Variants in ABCB11 observed in about 807,000 individuals in gnomAD.
The protein encoded by ABCB11 is ATP binding cassette subfamily B member 11, also known as bile salt export pump.
In ABCB11, 95 loss-of-function variants were observed where a neutral mutation model predicts 148.0. That is an observed-to-expected ratio of 0.64 (90% CI 0.54 to 0.76). The LOEUF is 0.76. Ranked by LOEUF, ABCB11 falls within the 30% of genes least tolerant of loss-of-function variation. ABCB11 has a pLI of 0.00. For missense variants in ABCB11, 1,523 were observed against 1,617.8 expected (o/e 0.94, Z 1.01); for synonymous variants, 591 against 555.4 (o/e 1.06, Z -0.90).
At chr2:168,946,441 G>T (rs946104719) in intron 19 of ABCB11, among the ~76,000 whole-genome samples, 2 of 151,714 alleles carry the variant, frequency 1.3e-5, no homozygotes, top group Non-Finnish European at 2.9e-5. Flanking sequence ...AAATTAATGA[G>T]ATTTTACTGT....
chr2:169,023,955 T>C (rs1026854353), intron 1 of ABCB11, among the ~76,000 whole-genome samples: 2 of 152,198 alleles, frequency 1.3e-5, no homozygotes, highest in African/African-American at 4.8e-5. Flanking sequence ...CATTAAGTTT[T>C]TCTCTTTTTT....
chr2:168,992,386 T>C (rs1450023387), intron 8 of ABCB11, among the ~76,000 whole-genome samples: 1 of 151,570 alleles, frequency 6.6e-6, no homozygotes, highest in Non-Finnish European at 1.5e-5. Flanking sequence ...TTATCACAGG[T>C]TTGAAGAAAG....
chr2:168,964,573 G>A (rs1289232662), intron 17 of ABCB11, among the ~76,000 whole-genome samples: 16 of 151,244 alleles, frequency 1.1e-4, no homozygotes, highest in Admixed American at 1.1e-3. Context: ...AAGAGAAAGG[G>A]AGCAAAGCTG....
At chr2:168,964,155 T>TC in intron 18 of ABCB11, 51 bp downstream of exon 18, 1 of 1,373,294 alleles carries the variant, frequency 7.3e-7, no homozygotes, top group Non-Finnish European at 1.0e-6. Context: ...TACCCAACAG[T>TC]CCCCAGGAGA....
At chr2:168,924,560 A>T in intron 27 of ABCB11, 97 bp downstream of exon 27, 1 of 1,262,466 alleles carries the variant, frequency 7.9e-7, no homozygotes, top group Non-Finnish European at 1.1e-6. Context: ...CTGTTAACGA[A>T]TCAGAAAATT....
At chr2:168,936,053 C>T (rs1691806200) in intron 22 of ABCB11, among the ~76,000 whole-genome samples, 177 bp downstream of exon 22, 1 of 152,212 alleles carries the variant, frequency 6.6e-6, no homozygotes, top group African/African-American at 2.4e-5. Context: ...AGTCTCGGAG[C>T]TTTATTGCCT....
rs761402595 is a variant in ABCB11 at position 168,935,240 on chromosome 2, G to A, written c.3000C>T (p.Tyr1000=). The change falls in exon 23 of 28, where the codon TAC becomes TAT. Residue 1000 remains tyrosine, a synonymous_variant. Transcript: ENST00000650372. The stretch of plus-strand genomic sequence containing the variant: ...TGGAGATTAAGTAACCTCCATATCT[G>A]TAGGAAGCAGAATTCGCAATAAACA... ...CIMFIANSAS[Y]RYGGYLISNE... 1.9e-6 allele frequency: 3 copies of A among 1,614,008 alleles called. No individual in the cohort carries two copies. Among genetic ancestry groups the A allele is most frequent in the Non-Finnish European group, 2.5e-6 (3 of 1,179,892 alleles).
intron 1 of ABCB11, among the ~76,000 whole-genome samples, chr2:169,028,485 G>C (rs1192165804): frequency 6.6e-6 from 1 of 152,078 alleles, no homozygotes; most frequent in Non-Finnish European, 1.5e-5. Context: ...GTCCAGGCAG[G>C]GAAGGACACA....
Position 168,930,861 on chromosome 2 carries a change from T to A in ABCB11, c.3215A>T (p.Asp1072Val). 5 of 1,592,218 alleles carry A rather than the reference T, an allele frequency of 3.1e-6. No homozygotes were observed. The highest frequency in any genetic ancestry group is 4.3e-6 in the Non-Finnish European group (5 of 1,169,670). ...AAAATCAATCTTCCCCTGGAAGTTG[T>A]CCTGTGGATGGGAGGATCAAAATTA... ...SVYNTAGEKW[D>V]NFQGKIDFVD... Residue 1072 changes from aspartate to valine, a missense_variant and splice_region_variant, in exon 25 of 28, where the codon GAC becomes GTC. Transcript: ENST00000650372.
chr2:168,996,103 A>G (rs986430323), intron 6 of ABCB11, among the ~76,000 whole-genome samples: 3 of 151,340 alleles, frequency 2.0e-5, no homozygotes. Flanking sequence ...GGAATTCATT[A>G]TTTTTCTACA....
At chr2:168,950,944 A>C (rs1452718334) in intron 19 of ABCB11, among the ~76,000 whole-genome samples, 1 of 151,452 alleles carries the variant, frequency 6.6e-6, no homozygotes, top group Non-Finnish European at 1.5e-5. Context: ...ATCTTGTGTT[A>C]ATTTTGTAAG....
At chr2:169,023,904 G>T (rs924944311) in intron 1 of ABCB11, among the ~76,000 whole-genome samples, 2 of 152,190 alleles carry the variant, frequency 1.3e-5, no homozygotes, top group Non-Finnish European at 2.9e-5. Context: ...ATGGCATAGG[G>T]TTTAAGATAC....
In ABCB11 at chr2:168,972,414, A is replaced by AT. The variant is rs373364027; in HGVS notation, c.1435-365dup. On this transcript the variant is annotated intron_variant, in intron 13 of 27. Transcript: ENST00000650372. Reference sequence around the variant, plus strand: ...GACAAAAATGGACTCAAAAGATATAATAAAAATAAACAATGATCCCTATCT... The same window carrying AT: ...GACAAAAATGGACTCAAAAGATATAATTAAAAATAAACAATGATCCCTATCT... 5.6e-4 allele frequency among the ~76,000 whole-genome samples: 84 copies of AT among 150,646 alleles called. No individual in the cohort carries two copies. The East Asian group carries it at 0.016, about 29-fold the overall frequency.
chr2:168,945,100 C>A (rs1365126833), intron 19 of ABCB11, 139 bp from the exon 20 acceptor site: 1 of 604,550 alleles, frequency 1.7e-6, no homozygotes, highest in Non-Finnish European at 2.9e-6. Flanking sequence ...CAAGAGTGAA[C>A]CCTAATGTAA....
chr2:168,968,562 CTAT>C, intron 16 of ABCB11, 72 bp from the exon 17 acceptor site: 1 of 1,240,492 alleles, frequency 8.1e-7, no homozygotes, highest in Non-Finnish European at 1.1e-6. Context: ...GAATTCTTTA[CTAT>C]GTTTGCTTAG....
intron 21 of ABCB11, among the ~76,000 whole-genome samples, chr2:168,939,612 C>G (rs1458219604): frequency 2.0e-5 from 3 of 151,970 alleles, no homozygotes; most frequent in African/African-American, 7.2e-5. Context: ...AGAATCACCT[C>G]TACTACCACT....
At chr2:169,017,023 C>T (rs1044793450) in intron 2 of ABCB11, among the ~76,000 whole-genome samples, 4 of 147,080 alleles carry the variant, frequency 2.7e-5, no homozygotes, top group African/African-American at 1.0e-4. Context: ...CACACACACA[C>T]GAAGACACTC....
chr2:169,025,365 G>A, intron 1 of ABCB11, among the ~76,000 whole-genome samples: 1 of 152,144 alleles, frequency 6.6e-6, no homozygotes, highest in Admixed American at 6.5e-5. Context: ...GGAAGTGGTG[G>A]TGATGGTGGT....
intron 21 of ABCB11, among the ~76,000 whole-genome samples, chr2:168,941,719 T>G (rs1340905480): frequency 6.6e-6 from 1 of 152,046 alleles, no homozygotes; most frequent in Non-Finnish European, 1.5e-5. Flanking sequence ...CAAATAAATC[T>G]TTCATGAGAG....
Sources: allele counts gnomAD v4.1 joint callset (sites outside exome capture counted in the v4.1 genomes callset), GRCh38; gene constraint gnomAD v4.1.1; transcripts MANE v1.5; gene names NCBI Gene and HGNC (gene_info 2026-07-23, HGNC 2026-07-21).